Variants in TPST1 observed in about 807,000 individuals in gnomAD.
TPST1 encodes tyrosylprotein sulfotransferase 1, also known as protein-tyrosine sulfotransferase 1.
A neutral mutation model predicts 34.8 loss-of-function variants in TPST1; 20 were observed. The observed-to-expected ratio is 0.57, with a 90% CI of 0.40 to 0.84. The LOEUF (loss-of-function observed/expected upper bound fraction) is 0.84, where lower values mean the gene tolerates loss of function less well. TPST1 is among the 40% of genes least tolerant of loss of function. The pLI is 0.00. For synonymous variants in TPST1, 152 were observed against 159.4 expected (o/e 0.95, Z 0.35); for missense variants, 353 against 455.5 (o/e 0.78, Z 2.05).
At chr7:66,308,299 T>C (rs1791462968) in intron 3 of TPST1, among the ~76,000 whole-genome samples, 1 of 152,214 alleles carries the variant, frequency 6.6e-6, no homozygotes, top group African/African-American at 2.4e-5. Flanking sequence ...GATTTACCTC[T>C]AGGGCCTGCC....
At chr7:66,305,721 G>A (rs1321955675) in intron 3 of TPST1, among the ~76,000 whole-genome samples, 1 of 152,238 alleles carries the variant, frequency 6.6e-6, no homozygotes, top group African/African-American at 2.4e-5. Flanking sequence ...ATTAAGACCT[G>A]TAAACTGGGA....
chr7:66,271,457 G>A (rs1450860707), intron 2 of TPST1, among the ~76,000 whole-genome samples: 3 of 152,198 alleles, frequency 2.0e-5, no homozygotes, highest in African/African-American at 7.2e-5. Flanking sequence ...GATTACAGGC[G>A]TGAGCCACCG....
At chr7:66,311,715 A>T (rs1791535786) in intron 3 of TPST1, among the ~76,000 whole-genome samples, 1 of 152,216 alleles carries the variant, frequency 6.6e-6, no homozygotes, top group Non-Finnish European at 1.5e-5. Context: ...CATGCCATAG[A>T]AGAAAATGAA....
chr7:66,206,906 G>A (rs1789141682), intron 1 of TPST1, among the ~76,000 whole-genome samples: 1 of 152,094 alleles, frequency 6.6e-6, no homozygotes, highest in African/African-American at 2.4e-5. Flanking sequence ...TCCTCTAAGA[G>A]TGAGAGAGGA....
the TPST1 span, among the ~76,000 whole-genome samples, chr7:66,199,752 C>T: frequency 6.7e-6 from 1 of 148,234 alleles, no homozygotes; most frequent in African/African-American, 2.5e-5. Context: ...CTCGCTCTGT[C>T]GCCCAGGCTG....
chr7:66,301,145 G>A (rs1217656678), intron 3 of TPST1, among the ~76,000 whole-genome samples: 1 of 152,166 alleles, frequency 6.6e-6, no homozygotes, highest in Non-Finnish European at 1.5e-5. Flanking sequence ...TAAGCAATAG[G>A]TCTCAACAGT....
At chr7:66,319,892 C>T (rs975923343) in intron 3 of TPST1, among the ~76,000 whole-genome samples, 1 of 152,124 alleles carries the variant, frequency 6.6e-6, no homozygotes, top group Non-Finnish European at 1.5e-5. Context: ...TCCAGGGAGG[C>T]ATTAGCAGTA....
chr7:66,262,763 G>T (rs1260288119), intron 2 of TPST1, among the ~76,000 whole-genome samples: 1 of 152,118 alleles, frequency 6.6e-6, no homozygotes, highest in African/African-American at 2.4e-5. Context: ...GGGGGAATCT[G>T]CTTGCTGATA....
At chr7:66,253,179 A>T (rs1402960677) in intron 2 of TPST1, among the ~76,000 whole-genome samples, 1 of 152,154 alleles carries the variant, frequency 6.6e-6, no homozygotes, top group Non-Finnish European at 1.5e-5. Flanking sequence ...GATGATTTAA[A>T]GTATAAGGGA....
At chr7:66,211,694 G>A (rs979565653) in intron 1 of TPST1, among the ~76,000 whole-genome samples, 12 of 152,184 alleles carry the variant, frequency 7.9e-5, no homozygotes, top group South Asian at 2.1e-4. Flanking sequence ...CTTGCCGGGC[G>A]CAGTAGCTCA....
At chr7:66,275,685 GC>G (rs1368993961) in intron 2 of TPST1, among the ~76,000 whole-genome samples, 1 of 152,154 alleles carries the variant, frequency 6.6e-6, no homozygotes, top group Non-Finnish European at 1.5e-5. Context: ...ATTCATAGAA[GC>G]AAGAGTAGAA....
At chr7:66,273,935 TGGG>T (rs1222569667) in intron 2 of TPST1, among the ~76,000 whole-genome samples, 2 of 152,142 alleles carry the variant, frequency 1.3e-5, no homozygotes, top group African/African-American at 2.4e-5. Context: ...TCCTAGTAGC[TGGG>T]ACTGCAGGCA....
intron 2 of TPST1, among the ~76,000 whole-genome samples, chr7:66,266,626 A>T (rs1167256659): frequency 6.6e-6 from 1 of 152,280 alleles, no homozygotes; most frequent in East Asian, 1.9e-4. Flanking sequence ...CTAGAAATGG[A>T]TCCAAGTACC....
chr7:66,227,674 G>A (rs887139215), intron 1 of TPST1, among the ~76,000 whole-genome samples: 1 of 151,998 alleles, frequency 6.6e-6, no homozygotes, highest in African/African-American at 2.4e-5. Context: ...CAGTGGTAGT[G>A]GATGTGTTGA....
chr7:66,249,679 G>A (rs527517122), intron 2 of TPST1, among the ~76,000 whole-genome samples: 134 of 152,320 alleles, frequency 8.8e-4, no homozygotes, highest in African/African-American at 3.1e-3. Context: ...CGTTTTGTTT[G>A]CTTCATTTGT....
At chr7:66,337,120 C>T (rs1792136223) in intron 3 of TPST1, among the ~76,000 whole-genome samples, 1 of 152,010 alleles carries the variant, frequency 6.6e-6, no homozygotes, top group Non-Finnish European at 1.5e-5. Flanking sequence ...GGGAGCTGTT[C>T]AGTCAGAAAG....
intron 3 of TPST1, among the ~76,000 whole-genome samples, chr7:66,339,973 A>T (rs1792202140): frequency 6.6e-6 from 1 of 152,188 alleles, no homozygotes; most frequent in Admixed American, 6.5e-5. Context: ...ATTTCAATAG[A>T]TGCTCAAAAA....
chr7:66,231,362 C>G (rs1326323908), intron 1 of TPST1, among the ~76,000 whole-genome samples: 1 of 152,246 alleles, frequency 6.6e-6, no homozygotes, highest in Non-Finnish European at 1.5e-5. Flanking sequence ...TGCGCTCGCA[C>G]TCCGCAGGCC....
intron 1 of TPST1, among the ~76,000 whole-genome samples, chr7:66,225,192 C>T (rs570067988): frequency 1.8e-4 from 27 of 151,496 alleles, no homozygotes; most frequent in African/African-American, 6.3e-4. Context: ...GCTGGGATTA[C>T]AGGCATGAAC....
Sources: gnomAD v4.1 joint callset for allele counts (sites outside exome capture counted in the v4.1 genomes callset) on GRCh38, gnomAD v4.1.1 for gene constraint, MANE v1.5 for transcripts, NCBI Gene and HGNC (gene_info 2026-07-23, HGNC 2026-07-21) for gene names.